ALOX12: variants seen among roughly 807,000 people sequenced by gnomAD.
ALOX12 encodes the protein arachidonate 12-lipoxygenase, 12S type.
ALOX12 carries 62 observed loss-of-function variants against 85.5 expected under a neutral mutation model. The observed-to-expected ratio is 0.73, with a 90% CI of 0.59 to 0.90. ALOX12 has a LOEUF of 0.90. Among genes scored for constraint, ALOX12 ranks in the 40% least tolerant of loss-of-function variants. ALOX12 has a pLI of 0.00. For missense variants in ALOX12, 751 were observed against 856.5 expected (o/e 0.88, Z 1.54); for synonymous variants, 299 against 332.7 (o/e 0.90, Z 1.10).
Position 7,000,365 on chromosome 17 carries a change from C to T in ALOX12, c.837C>T (p.Ile279=), listed in dbSNP as rs903686892. 1 of 1,614,172 alleles carries T rather than the reference C, an allele frequency of 6.2e-7. No individual in the cohort carries two copies. Among genetic ancestry groups the T allele is most frequent in the Admixed American group, 1.7e-5 (1 of 60,012 alleles). The part of the protein sequence containing the change: ...QNGSLFEADF[I]LLDGIPANVI... ...GTTCCCTGTTTGAAGCTGACTTCATCCTTCTGGATGGAATTCCAGCCAACG... is the reference window on the plus strand; with the variant it reads ...GTTCCCTGTTTGAAGCTGACTTCATTCTTCTGGATGGAATTCCAGCCAACG... The change falls in exon 7 of 14, where the codon ATC becomes ATT. Residue 279 remains isoleucine, a synonymous_variant. Transcript: ENST00000251535. This position sits in a 1 kb window ranked among gnomAD's most constrained non-coding sequence, Gnocchi z 4.6.
Position 6,998,773 on chromosome 17 carries a change from C to T in ALOX12, c.478C>T (p.Leu160=). 6.2e-7 allele frequency: 1 copy of T among 1,614,146 alleles called. No homozygotes were observed. Among genetic ancestry groups the T allele is most frequent in the South Asian group, 1.1e-5 (1 of 91,080 alleles). ...CATCGCTGCAGACCGTAAGGATGATCTACCTCCAAATATGAGATTCCATGA... is the reference window on the plus strand; with the variant it reads ...CATCGCTGCAGACCGTAAGGATGATTTACCTCCAAATATGAGATTCCATGA... ...LTIAADRKDD[L]PPNMRFHEEK... is the part of the protein sequence containing the mutation. Residue 160 remains leucine, a synonymous_variant, in exon 4 of 14, where the codon CTA becomes TTA. Coordinates refer to ENST00000251535, the MANE Select transcript of ALOX12 (RefSeq NM_000697.3).
Position 7,005,997 on chromosome 17 carries a change from A to G in ALOX12, c.1388A>G (p.Asp463Gly). The change falls in exon 10 of 14, where the codon GAT (aspartate) becomes GGT (glycine). Residue 463 changes from aspartate (D) to glycine (G), a missense_variant. Physicochemically the swap from Asp to Gly is moderately conservative, Grantham distance 94 (BLOSUM62 -1). Coordinates refer to ENST00000251535, the MANE Select transcript of ALOX12 (RefSeq NM_000697.3). ...LGLPGALYAH[D>G]ALRLWEIIAR... ...CTCCCAGGTGCTCTCTATGCCCATGATGCTTTACGGCTCTGGGAGATCATT... is the reference window on the plus strand; with the variant it reads ...CTCCCAGGTGCTCTCTATGCCCATGGTGCTTTACGGCTCTGGGAGATCATT... 6.5e-7 allele frequency: 1 copy of G among 1,541,760 alleles called. No homozygotes were observed. The highest frequency in any genetic ancestry group is 8.7e-7 in the Non-Finnish European group (1 of 1,145,936).
intron 7 of ALOX12, chr17:7,001,311 T>C: frequency 2.3e-6 from 1 of 441,426 alleles, no homozygotes. Flanking sequence ...CACCTCCTAC[T>C]TCTCCTTCAC....
At chr17:7,002,928 A>G (rs1405597380) in intron 8 of ALOX12, among the ~76,000 whole-genome samples, 1 of 152,132 alleles carries the variant, frequency 6.6e-6, no homozygotes, top group Non-Finnish European at 1.5e-5. Flanking sequence ...CTGGGTAAAA[A>G]CAACCAAATT....
chr17:7,002,330 C>T, intron 8 of ALOX12: 1 of 366,362 alleles, frequency 2.7e-6, no homozygotes, highest in South Asian at 2.1e-5. Context: ...TGTATGTTAG[C>T]ATGGTAATGA....
intron 8 of ALOX12, among the ~76,000 whole-genome samples, chr17:7,003,794 T>C (rs546710363): frequency 7.9e-5 from 12 of 152,292 alleles, no homozygotes; most frequent in African/African-American, 2.6e-4. Flanking sequence ...ATGTGGACTT[T>C]GGCCTTTCCG....
chr17:7,005,901 G>C lies in ALOX12; in HGVS notation c.1292G>C (p.Arg431Pro). 6.2e-7 allele frequency: 1 copy of C among 1,613,406 alleles called. No individual in the cohort carries two copies. The highest frequency in any genetic ancestry group is 8.5e-7 in the Non-Finnish European group (1 of 1,179,884). Residue 431 changes from arginine to proline, a missense_variant, in exon 10 of 14, where the codon CGG becomes CCG. By Grantham distance (103) the Arg-to-Pro change is moderately radical. Coordinates refer to ENST00000251535, the MANE Select transcript of ALOX12 (RefSeq NM_000697.3). Reference sequence around the variant, plus strand: ...GGGGGCCATGTACAGTTGCTCCGTCGGGCGGCAGCTCAGCTGACCTACTGC... The same window carrying C: ...GGGGGCCATGTACAGTTGCTCCGTCCGGCGGCAGCTCAGCTGACCTACTGC... Reference protein sequence around the residue: ...GGGGHVQLLRRAAAQLTYCSL... With the variant: ...GGGGHVQLLRPAAAQLTYCSL...
chr17:7,002,995 C>T (rs1328524754), intron 8 of ALOX12, among the ~76,000 whole-genome samples: 2 of 152,082 alleles, frequency 1.3e-5, no homozygotes, highest in Admixed American at 1.3e-4. Context: ...TATAGCTGTG[C>T]CGCCTCTGGA....
At chr17:6,999,265 A>C (rs1219070701) in intron 5 of ALOX12, 41 bp from the exon 6 acceptor site, 1 of 1,612,630 alleles carries the variant, frequency 6.2e-7, no homozygotes, top group East Asian at 2.2e-5. Context: ...AGGGATATGC[A>C]GGCTGTGGTA....
At chr17:6,997,555 ATTT>A (rs56091558) in intron 2 of ALOX12, among the ~76,000 whole-genome samples, 2,546 of 104,302 alleles carry the variant, frequency 0.024, 87 homozygotes, top group African/African-American at 0.08. Context: ...CAAATAGTGA[ATTT>A]TTTTTTTTTT....
chr17:7,010,134 G>A lies in ALOX12; in HGVS notation c.1812+8G>A, dbSNP rs777622592. On this transcript the variant is annotated splice_region_variant and intron_variant, in intron 13 of 13. Coordinates refer to ENST00000251535, the MANE Select transcript of ALOX12 (RefSeq NM_000697.3). ...CGCCGCCAGCCAGACATGGTGAGAG[G>A]GGACTCTCGGGAGAGGGAAATGACA... 1.9e-6 allele frequency: 3 copies of A among 1,607,426 alleles called. No individual in the cohort carries two copies. Among genetic ancestry groups the A allele is most frequent in the South Asian group, 1.1e-5 (1 of 90,344 alleles).
chr17:7,002,842 C>T (rs776699557), intron 8 of ALOX12, among the ~76,000 whole-genome samples: 13 of 152,196 alleles, frequency 8.5e-5, no homozygotes, highest in Admixed American at 6.5e-5. Context: ...TTAGAAGAAA[C>T]CAGAGTCAGC....
At chr17:7,004,269 C>A (rs1258196873) in intron 8 of ALOX12, among the ~76,000 whole-genome samples, 1 of 91,328 alleles carries the variant, frequency 1.1e-5, no homozygotes, top group African/African-American at 3.8e-5. Flanking sequence ...ATTAATTTAA[C>A]TTAATTTAAT....
intron 8 of ALOX12, among the ~76,000 whole-genome samples, chr17:7,003,529 C>T (rs755742107): frequency 4.6e-5 from 7 of 152,130 alleles, no homozygotes; most frequent in Non-Finnish European, 8.8e-5. Context: ...TGGGCTGAAG[C>T]GATCCTCTAA....
intron 8 of ALOX12, among the ~76,000 whole-genome samples, chr17:7,004,133 AAAT>A (rs1304017681): frequency 1.6e-5 from 2 of 126,798 alleles, no homozygotes; most frequent in Admixed American, 1.0e-4. Flanking sequence ...AATTTTAAAT[AAAT>A]AATTAAAATT....
At chr17:6,999,148 G>A in intron 5 of ALOX12, 92 bp downstream of exon 5, 1 of 1,492,970 alleles carries the variant, frequency 6.7e-7, no homozygotes, top group Non-Finnish European at 9.2e-7. Flanking sequence ...TTTGCAAGAA[G>A]AGACCTTATC....
At position 7,000,550 on chromosome 17, in the gene ALOX12, C is replaced by T. The variant is rs1908661716; in HGVS notation, c.951+71C>T. On this transcript the variant is annotated intron_variant, in intron 7 of 13. Transcript: ENST00000251535. The surrounding 1 kb of genome is among the most constrained non-coding windows in gnomAD (Gnocchi z 4.6). ...CAACCTCTGCTCCCAGGGACCCAAC[C>T]CCCAGCTCTTGGCTCCCAAACCCCA... 2.6e-6 allele frequency: 4 copies of T among 1,560,754 alleles called. No individual in the cohort carries two copies. Among genetic ancestry groups the T allele is most frequent in the Admixed American group, 1.8e-5 (1 of 56,096 alleles).
In ALOX12 at chr17:7,006,483, C is replaced by A. The variant is rs746728564; in HGVS notation, c.1419-3C>A. 4.3e-6 allele frequency: 7 copies of A among 1,613,486 alleles called. No homozygotes were observed. The highest frequency in any genetic ancestry group is 2.2e-5 in the East Asian group (1 of 44,870). ...CCCTCAAGTGCCTTTTCCCCCTGGGCAGGTATGTGGAGGGGATCGTCCACC... is the reference window on the plus strand; with the variant it reads ...CCCTCAAGTGCCTTTTCCCCCTGGGAAGGTATGTGGAGGGGATCGTCCACC... On this transcript the variant is annotated splice_region_variant and splice_polypyrimidine_tract_variant and intron_variant, in intron 10 of 13. Transcript: ENST00000251535.
chr17:7,005,085 C>T (rs1908969000), intron 8 of ALOX12, among the ~76,000 whole-genome samples, 172 bp from the exon 9 acceptor site: 1 of 152,146 alleles, frequency 6.6e-6, no homozygotes, highest in South Asian at 2.1e-4. Flanking sequence ...GCTCCAGGGC[C>T]CAACTCACAG....
Sources: allele counts gnomAD v4.1 joint callset (sites outside exome capture counted in the v4.1 genomes callset), GRCh38; gene constraint gnomAD v4.1.1; non-coding constraint Gnocchi (gnomAD v3.1); transcripts MANE v1.5; gene names NCBI Gene and HGNC (gene_info 2026-07-23, HGNC 2026-07-21).